Variants in ITCH observed in about 807,000 individuals in gnomAD.
ITCH encodes itchy E3 ubiquitin protein ligase.
Under a neutral mutation model 126.8 loss-of-function variants are expected in ITCH, and 28 were observed. The observed-to-expected ratio is 0.22, with a 90% confidence interval of 0.16 to 0.30. ITCH has a LOEUF of 0.30. Among genes scored for constraint, ITCH ranks in the 10% least tolerant of loss-of-function variants. The pLI, the probability that ITCH is intolerant of heterozygous loss-of-function variation, is 1.00. For missense variants in ITCH, 631 were observed against 1,032.4 expected (o/e 0.61, Z 5.33); for synonymous variants, 342 against 340.0 (o/e 1.01, Z -0.06).
chr20:34,466,266 C>A, intron 14 of ITCH: 1 of 422,440 alleles, frequency 2.4e-6, no homozygotes, highest in African/African-American at 2.1e-5. Flanking sequence ...GGAATAAATC[C>A]TACTTAGTCA....
chr20:34,493,739 A>G (rs1267565743), intron 23 of ITCH, among the ~76,000 whole-genome samples: 1 of 152,240 alleles, frequency 6.6e-6, no homozygotes, highest in Non-Finnish European at 1.5e-5. Context: ...CTGCTGGACA[A>G]CCAAGTAGAA....
Position 34,420,778 on chromosome 20 carries a change from G to A in ITCH, c.476-3702G>A, listed in dbSNP as rs180838309. Among the ~76,000 whole-genome samples the A allele has an allele frequency of 3.1e-4, 47 of 152,040 alleles. No homozygotes were observed. The East Asian group carries it at 4.8e-3, about 16-fold the overall frequency. On this transcript the variant is annotated intron_variant, in intron 6 of 24. Transcript: ENST00000374864. ...CTCATTGAGGTTTGTTTTCATTTGC[G>A]TTTGTTCTTCGATTGCAAGTTTATA... is the stretch of plus-strand genomic sequence containing the variant.
rs1302908229 is a variant in ITCH, at chr20:34,404,415, CTTTTTTTT to C, written c.71-4222_71-4215del. Reference sequence around the variant, plus strand: ...TTTTTAAATTTCACAGAGCTTCTGTCTTTTTTTTTTTTTTTTTTTTTGAGATGGAGTTT... The same window carrying C: ...TTTTTAAATTTCACAGAGCTTCTGTCTTTTTTTTTTTTTGAGATGGAGTTT... On this transcript the variant is annotated intron_variant, in intron 3 of 24. Coordinates refer to ENST00000374864, the MANE Select transcript of ITCH (RefSeq NM_031483.7). 4.2e-4 allele frequency among the ~76,000 whole-genome samples: 51 copies of C among 120,518 alleles called. 1 individual carries two copies. In the East Asian group the frequency reaches 0.012, roughly 28 times the overall value. The allele number at this position is 120,518 out of a possible 152,430, so 79.1% of individuals were successfully genotyped here. A position where few individuals can be genotyped will look rare whatever the true frequency, so the allele number is the denominator to read the frequency against.
chr20:34,387,288 G>C (rs1245232791), intron 2 of ITCH, among the ~76,000 whole-genome samples: 2 of 149,386 alleles, frequency 1.3e-5, no homozygotes, highest in Non-Finnish European at 3.0e-5. Context: ...GGGCGACACA[G>C]TGAATGTCTG....
intron 20 of ITCH, among the ~76,000 whole-genome samples, chr20:34,488,701 C>T (rs181593291): frequency 9.3e-5 from 14 of 151,096 alleles, no homozygotes; most frequent in East Asian, 7.8e-4. Context: ...TGACAGAGCG[C>T]GACCCTGTCT....
intron 19 of ITCH, 118 bp from the exon 20 acceptor site, chr20:34,480,948 T>C: frequency 8.6e-7 from 1 of 1,157,454 alleles, no homozygotes; most frequent in Non-Finnish European, 1.3e-6. Context: ...TTATTTCTTC[T>C]TATTTTGATG....
At chr20:34,505,591 C>T (rs937142082) in intron 24 of ITCH, among the ~76,000 whole-genome samples, 24 of 149,800 alleles carry the variant, frequency 1.6e-4, no homozygotes, top group Non-Finnish European at 2.8e-4. Context: ...CTCTCTCTGT[C>T]ACCCAGGCTG....
rs1390466651 is a variant in ITCH at position 34,490,918 on chromosome 20, G to T, written c.2319+992G>T. On this transcript the variant is annotated intron_variant, in intron 22 of 24. Coordinates refer to ENST00000374864, the MANE Select transcript of ITCH (RefSeq NM_031483.7). Reference sequence around the variant, plus strand: ...CATTCATTTACCGACACAAAATGTGGTATATGCATATACAGATGCTCCTGG... The same window carrying T: ...CATTCATTTACCGACACAAAATGTGTTATATGCATATACAGATGCTCCTGG... 2.6e-5 allele frequency among the ~76,000 whole-genome samples: 4 copies of T among 152,170 alleles called. No individual in the cohort carries two copies. The East Asian group carries it at 7.7e-4, about 29-fold the overall frequency.
chr20:34,440,395 C>G, intron 9 of ITCH, 51 bp downstream of exon 9: 1 of 1,306,454 alleles, frequency 7.7e-7, no homozygotes, highest in Non-Finnish European at 1.1e-6. Context: ...TCTTCATAAG[C>G]CTACTTATTA....
At chr20:34,461,135 G>A (rs771685862) in intron 13 of ITCH, among the ~76,000 whole-genome samples, 12 of 152,302 alleles carry the variant, frequency 7.9e-5, no homozygotes, top group Non-Finnish European at 1.6e-4. Context: ...TTAAGGAAGT[G>A]CTGAGTGGCC....
At chr20:34,507,465 A>G (rs1990712005) in intron 24 of ITCH, among the ~76,000 whole-genome samples, 1 of 151,346 alleles carries the variant, frequency 6.6e-6, no homozygotes, top group Admixed American at 6.6e-5. Flanking sequence ...ATTTTTAAAT[A>G]TTGTTGAGTT....
chr20:34,434,148 A>G (rs986168453), intron 7 of ITCH, among the ~76,000 whole-genome samples: 1 of 152,020 alleles, frequency 6.6e-6, no homozygotes, highest in Non-Finnish European at 1.5e-5. Context: ...ATGGTGGTGC[A>G]TGCCTGTATT....
chr20:34,489,376 A>C lies in ITCH; in HGVS notation c.2204A>C (p.Lys735Thr). 1.2e-6 allele frequency: 2 copies of C among 1,613,172 alleles called. No homozygotes were observed. The highest frequency in any genetic ancestry group is 1.7e-6 in the Non-Finnish European group (2 of 1,179,506). Reference protein sequence around the residue: ...PQQYLQYFDAKELEVLLCGMQ... With the variant: ...PQQYLQYFDATELEVLLCGMQ... ...CAATATTTGCAATACTTTGATGCAA[A>C]GGAATTAGAGGTAATGAATTTTCCT... Residue 735 changes from lysine (K) to threonine (T), a missense_variant, in exon 21 of 25, where the codon AAG becomes ACG. Around this residue, in one of 4 missense-constraint regions of ITCH, gnomAD observed 390 missense variants for 731.6 expected, o/e 0.53. Coordinates refer to ENST00000374864, the MANE Select transcript of ITCH (RefSeq NM_031483.7).
rs1336304862 is a variant in ITCH, at chr20:34,503,855, TTTTTTTTTTTTTTGG to T, written c.2417-447_2417-433del. On this transcript the variant is annotated intron_variant, in intron 23 of 24. Coordinates refer to ENST00000374864, the MANE Select transcript of ITCH (RefSeq NM_031483.7). ...TTGGTTGCTTTTGGGTTTTTTGGGT[TTTTTTTTTTTTTTGG>T]TTTTTTTTTTTTTGGTTTTTTTTTT... is the stretch of plus-strand genomic sequence containing the variant. Among the ~76,000 whole-genome samples the T allele has an allele frequency of 8.4e-3, 1,083 of 129,402 alleles. 40 individuals are homozygous for T. Among genetic ancestry groups the T allele is most frequent in the African/African-American group, 0.028 (1,016 of 36,158 alleles). 84.9% of individuals were successfully genotyped at this position (129,402 alleles called of 152,430 possible).
chr20:34,375,749 A>G (rs938254339), intron 2 of ITCH, among the ~76,000 whole-genome samples: 11 of 95,248 alleles, frequency 1.2e-4, no homozygotes, highest in African/African-American at 4.8e-4. Flanking sequence ...GCTGTGGCTC[A>G]CTTCTATAAT....
Position 34,447,737 on chromosome 20 carries a change from A to G in ITCH, c.1141-1674A>G, listed in dbSNP as rs149343236. Among the ~76,000 whole-genome samples the G allele has an allele frequency of 1.3e-3, 204 of 152,296 alleles. 2 individuals carry two copies. Among genetic ancestry groups the G allele is most frequent in the Middle Eastern group, 6.8e-3 (2 of 294 alleles). Reference sequence around the variant, plus strand: ...TTCCCGCTGGCCTCCCTGTTCTCACATCTTCTCATAATCATGTCTGTCAGG... The same window carrying G: ...TTCCCGCTGGCCTCCCTGTTCTCACGTCTTCTCATAATCATGTCTGTCAGG... On this transcript the variant is annotated intron_variant, in intron 11 of 24. Transcript: ENST00000374864.
At chr20:34,412,348 G>A (rs994896532) in intron 4 of ITCH, among the ~76,000 whole-genome samples, 167 bp from the exon 5 acceptor site, 1 of 152,180 alleles carries the variant, frequency 6.6e-6, no homozygotes, top group Admixed American at 6.5e-5. Flanking sequence ...GTAGCATTCA[G>A]ATAATTTTCA....
intron 11 of ITCH, among the ~76,000 whole-genome samples, chr20:34,447,242 C>T (rs1984577674): frequency 6.6e-6 from 1 of 150,608 alleles, no homozygotes; most frequent in Non-Finnish European, 1.5e-5. Context: ...CCAATATAAT[C>T]TGAACAATTT....
At chr20:34,388,548 C>A (rs1048556494) in intron 2 of ITCH, among the ~76,000 whole-genome samples, 2 of 152,118 alleles carry the variant, frequency 1.3e-5, no homozygotes, top group African/African-American at 4.8e-5. Context: ...CCACATCCAG[C>A]TAATTTATTT....
Sources: allele counts gnomAD v4.1 joint callset (sites outside exome capture counted in the v4.1 genomes callset), GRCh38; gene constraint gnomAD v4.1.1; regional missense constraint gnomAD v4.1.1; transcripts MANE v1.5; gene names NCBI Gene and HGNC (gene_info 2026-07-23, HGNC 2026-07-21).